TANK: variants seen among roughly 807,000 people sequenced by gnomAD.
The protein encoded by TANK is TRAF family member-associated NF-kappa-B activator.
TANK carries 15 observed loss-of-function variants against 43.6 expected under a neutral mutation model. The observed-to-expected ratio is 0.34, with a 90% CI of 0.23 to 0.53. The LOEUF is 0.53. TANK is among the 20% of genes least tolerant of loss of function. TANK has a pLI of 0.94. For synonymous variants in TANK, 162 were observed against 178.2 expected, an observed-to-expected ratio of 0.91 and a Z score of 0.73; for missense variants, 417 against 498.6, an observed-to-expected ratio of 0.84 and a Z score of 1.56.
chr2:161,157,835 C>CA (rs1322413366), upstream of TANK, among the ~76,000 whole-genome samples: 1 of 152,084 alleles, frequency 6.6e-6, no homozygotes, highest in African/African-American at 2.4e-5. Flanking sequence ...AGGTGTGCAC[C>CA]ACCAAACCTG....
intron 1 of TANK, among the ~76,000 whole-genome samples, chr2:161,170,284 T>A (rs989525806): frequency 6.6e-6 from 1 of 152,100 alleles, no homozygotes; most frequent in African/African-American, 2.4e-5. Context: ...GAGAAAACAT[T>A]TGTTTTCTCT....
intron 2 of TANK, among the ~76,000 whole-genome samples, chr2:161,191,527 T>C (rs139440350): frequency 0.011 from 1,632 of 152,338 alleles, 11 homozygotes; most frequent in Non-Finnish European, 0.017. Context: ...ATTTAATCCT[T>C]GTATAAATCT....
At chr2:161,180,858 G>A (rs766241187) in intron 2 of TANK, among the ~76,000 whole-genome samples, 21 of 150,944 alleles carry the variant, frequency 1.4e-4, no homozygotes, top group Non-Finnish European at 2.4e-4. Context: ...ATTCAGTAAC[G>A]TGTGCAGTAT....
At chr2:161,156,189 G>A (rs998121437), upstream of TANK, 1 of 985,216 alleles carries the variant, frequency 1.0e-6, no homozygotes, top group Non-Finnish European at 1.2e-6. Flanking sequence ...TCCTTTAATG[G>A]TTGTCACCTA....
At chr2:161,207,734 A>G in intron 4 of TANK, 3 of 985,364 alleles carry the variant, frequency 3.0e-6, no homozygotes, top group Non-Finnish European at 3.6e-6. Flanking sequence ...AATACAGGTG[A>G]AACCTTTCCT....
chr2:161,140,433 T>G (rs1002395147), intron 1 of TANK, among the ~76,000 whole-genome samples: 1 of 151,500 alleles, frequency 6.6e-6, no homozygotes, highest in Non-Finnish European at 1.5e-5. Flanking sequence ...TCCATAACTA[T>G]GTGGATAACC....
intron 2 of TANK, among the ~76,000 whole-genome samples, chr2:161,200,761 T>G (rs1686369570): frequency 6.6e-6 from 1 of 151,978 alleles, no homozygotes; most frequent in South Asian, 2.1e-4. Context: ...TTCAGATCAT[T>G]TCTGAAAGCA....
At chr2:161,210,067 A>T (rs1401655872) in intron 4 of TANK, among the ~76,000 whole-genome samples, 1 of 152,234 alleles carries the variant, frequency 6.6e-6, no homozygotes, top group East Asian at 1.9e-4. Flanking sequence ...GAAAGATGTC[A>T]GTTAAACAGT....
chr2:161,218,566 C>T (rs1473676009), intron 4 of TANK, among the ~76,000 whole-genome samples: 1 of 152,140 alleles, frequency 6.6e-6, no homozygotes, highest in Non-Finnish European at 1.5e-5. Context: ...CAGTGGCGTG[C>T]ACCTGTAGTC....
chr2:161,140,237 G>C (rs1683703735), intron 1 of TANK, among the ~76,000 whole-genome samples: 1 of 152,008 alleles, frequency 6.6e-6, no homozygotes, highest in Non-Finnish European at 1.5e-5. Context: ...GTTGGGCCTT[G>C]GCATCCCCTT....
At chr2:161,220,085 C>T (rs1037501619) in intron 4 of TANK, among the ~76,000 whole-genome samples, 1 of 152,182 alleles carries the variant, frequency 6.6e-6, no homozygotes, top group Admixed American at 6.5e-5. Flanking sequence ...ATTGACTACA[C>T]TCAGTTGCCT....
intron 1 of TANK, among the ~76,000 whole-genome samples, chr2:161,177,453 C>G (rs1056619660): frequency 1.3e-5 from 2 of 152,062 alleles, no homozygotes; most frequent in African/African-American, 4.8e-5. Flanking sequence ...ATAGCCCTTT[C>G]AACAAATAAT....
intron 2 of TANK, 136 bp downstream of exon 2, chr2:161,179,897 T>G (rs1020407556): frequency 1.6e-6 from 2 of 1,287,182 alleles, no homozygotes; most frequent in East Asian, 2.9e-5. Context: ...TATATATTAA[T>G]GGATTAAATT....
intron 1 of TANK, among the ~76,000 whole-genome samples, chr2:161,153,330 G>A (rs1361640586): frequency 6.6e-6 from 1 of 151,760 alleles, no homozygotes; most frequent in Admixed American, 6.6e-5. Flanking sequence ...GTCCAATATA[G>A]AGGCCTTCTC....
chr2:161,232,054 T>G (rs1306967288), intron 7 of TANK, among the ~76,000 whole-genome samples: 1 of 152,228 alleles, frequency 6.6e-6, no homozygotes, highest in Non-Finnish European at 1.5e-5. Flanking sequence ...AGTACACAGA[T>G]CTGTAGGGTT....
chr2:161,181,038 C>G (rs931561898), intron 2 of TANK, among the ~76,000 whole-genome samples: 1 of 151,874 alleles, frequency 6.6e-6, no homozygotes, highest in African/African-American at 2.4e-5. Context: ...GCAGGCACAA[C>G]ATTATCATTT....
chr2:161,211,602 C>T (rs572334758), intron 4 of TANK: 1 of 207,728 alleles, frequency 4.8e-6, no homozygotes, highest in Non-Finnish European at 8.4e-6. Flanking sequence ...TCATTTACAT[C>T]ATCTAAACAC....
chr2:161,210,941 C>A (rs1213189910), intron 4 of TANK, among the ~76,000 whole-genome samples: 1 of 152,108 alleles, frequency 6.6e-6, no homozygotes, highest in Non-Finnish European at 1.5e-5. Context: ...AATTTCTAGA[C>A]AAGAGCCAGA....
chr2:161,188,162 C>G (rs1190181665), intron 2 of TANK, among the ~76,000 whole-genome samples: 1 of 151,474 alleles, frequency 6.6e-6, no homozygotes, highest in Non-Finnish European at 1.5e-5. Context: ...AAGAACTAAA[C>G]CCAAAACTAG....
Sources: gnomAD v4.1 joint callset for allele counts (sites outside exome capture counted in the v4.1 genomes callset) on GRCh38, gnomAD v4.1.1 for gene constraint, MANE v1.5 for transcripts, NCBI Gene and HGNC (gene_info 2026-07-23, HGNC 2026-07-21) for gene names.